HNRNPA1: variants seen among roughly 807,000 people sequenced by gnomAD.
The protein encoded by HNRNPA1 is epididymis secretory sperm binding protein.
Under a neutral mutation model 44.4 loss-of-function variants are expected in HNRNPA1, and 7 were observed. That is an observed-to-expected ratio of 0.16 (90% CI 0.09 to 0.30). HNRNPA1 has a LOEUF of 0.30. Among genes scored for constraint, HNRNPA1 ranks in the 10% least tolerant of loss-of-function variants. The pLI, the probability that HNRNPA1 is intolerant of heterozygous loss-of-function variation, is 1.00. For synonymous variants in HNRNPA1, 169 were observed against 160.6 expected, an observed-to-expected ratio of 1.05 and a Z score of -0.40; for missense variants, 193 against 465.8, an observed-to-expected ratio of 0.41 and a Z score of 5.39.
At position 54,281,953 on chromosome 12, in the gene HNRNPA1, T is replaced by G. The variant is rs1486571333; in HGVS notation, c.279+12T>G. ...CTGTCTCCAGAGAAGTGAGTGGGTTTTTTTTCTTCTTCTTCTTAAACTTAC... is the reference window on the plus strand; with the variant it reads ...CTGTCTCCAGAGAAGTGAGTGGGTTGTTTTTCTTCTTCTTCTTAAACTTAC... On this transcript the variant is annotated intron_variant, in intron 3 of 10. Coordinates refer to ENST00000340913, the MANE Select transcript of HNRNPA1 (RefSeq NM_031157.4). 3 of 1,612,250 alleles carry G rather than the reference T, an allele frequency of 1.9e-6. No homozygotes were observed. The highest frequency in any genetic ancestry group is 1.3e-5 in the African/African-American group (1 of 74,854).
At chr12:54,281,735 T>TA (rs150656593) in intron 2 of HNRNPA1, 60 bp from the exon 3 acceptor site, 238 of 1,546,680 alleles carry the variant, frequency 1.5e-4, no homozygotes, top group Non-Finnish European at 2.1e-4. Context: ...TATTCAAAGT[T>TA]AAAATGACAA....
chr12:54,283,043 ACTTTTGT>A, intron 7 of HNRNPA1, 29 bp from the exon 8 acceptor site: 1 of 1,606,096 alleles, frequency 6.2e-7, no homozygotes, highest in Non-Finnish European at 8.5e-7. Flanking sequence ...ATTGTCAAAT[ACTTTTGT>A]CTTATTGAGA....
chr12:54,282,067 AC>A, intron 3 of HNRNPA1, 22 bp from the exon 4 acceptor site: 1 of 1,607,364 alleles, frequency 6.2e-7, no homozygotes, highest in Non-Finnish European at 8.5e-7. Flanking sequence ...GCTAATCTAA[AC>A]CTATGGTTTT....
Position 54,282,697 on chromosome 12 carries a change from C to T in HNRNPA1, c.676+32C>T, listed in dbSNP as rs1462829741. On this transcript the variant is annotated intron_variant, in intron 6 of 10. Coordinates refer to ENST00000340913, the MANE Select transcript of HNRNPA1 (RefSeq NM_031157.4). ...ATGGTTTATCTACATGTAGTTCTGA[C>T]TTCTCACCATCTTTGCTATGAAGAT... is the stretch of plus-strand genomic sequence containing the variant. 9 of 1,597,316 alleles carry T rather than the reference C, an allele frequency of 5.6e-6. No individual in the cohort carries two copies. In the East Asian group the frequency reaches 6.7e-5, roughly 12 times the overall value.
intron 3 of HNRNPA1, 37 bp from the exon 4 acceptor site, chr12:54,282,053 C>G (rs749883129): frequency 6.2e-7 from 1 of 1,600,476 alleles, no homozygotes; most frequent in Non-Finnish European, 8.6e-7. Flanking sequence ...CGAGTATAGG[C>G]TTTGCTAATC....
chr12:54,282,375 A>G lies in HNRNPA1; in HGVS notation c.491-19A>G, dbSNP rs1187394468. 4 of 1,609,646 alleles carry G rather than the reference A, an allele frequency of 2.5e-6. No homozygotes were observed. The highest frequency in any genetic ancestry group is 3.4e-6 in the Non-Finnish European group (4 of 1,176,204). On this transcript the variant is annotated intron_variant, in intron 4 of 10. Coordinates refer to ENST00000340913, the MANE Select transcript of HNRNPA1 (RefSeq NM_031157.4). ...ATTCTAAACCCTGATACCATGTTGT[A>G]TCTATGTTTTTTTTTTAGTTCAGAA...
At chr12:54,283,337 T>A in intron 8 of HNRNPA1, 103 bp downstream of exon 8, 1 of 1,322,330 alleles carries the variant, frequency 7.6e-7, no homozygotes, top group Non-Finnish European at 1.1e-6. Flanking sequence ...CTGCATGGTA[T>A]ATTAAAAACA....
At chr12:54,283,334 G>A (rs1944209412) in intron 8 of HNRNPA1, 100 bp downstream of exon 8, 2 of 1,349,782 alleles carry the variant, frequency 1.5e-6, no homozygotes, top group African/African-American at 1.5e-5. Flanking sequence ...ACACTGCATG[G>A]TATATTAAAA....
At chr12:54,284,212 T>TA (rs757848741) in intron 9 of HNRNPA1, 46 bp from the exon 10 acceptor site, 3 of 1,581,892 alleles carry the variant, frequency 1.9e-6, no homozygotes, top group Non-Finnish European at 2.6e-6. Context: ...ATGAAAACAT[T>TA]ACTGTTGGCA....
At chr12:54,284,041 C>A in intron 9 of HNRNPA1, 74 bp downstream of exon 9, 1 of 1,515,382 alleles carries the variant, frequency 6.6e-7, no homozygotes. Context: ...AGCCCTTTAA[C>A]TGCTATGTCT....
At position 54,286,800 on chromosome 12, in the gene HNRNPA1, C is replaced by T. The variant is rs573312088; in HGVS notation, c.*2256C>T. 2.6e-5 allele frequency: 4 copies of T among 152,320 alleles called. No individual in the cohort carries two copies. In the East Asian group the frequency reaches 5.8e-4, roughly 22 times the overall value. 9.4% of individuals were successfully genotyped at this position (152,320 alleles called of 1,614,324 possible). Reference sequence around the variant, plus strand: ...GTTCCCAAAGTAAAAGAATGACAAGCTGTACCTTAAACCAAAACACTTCGT... The same window carrying T: ...GTTCCCAAAGTAAAAGAATGACAAGTTGTACCTTAAACCAAAACACTTCGT... On this transcript the variant is annotated 3_prime_UTR_variant, in exon 11 of 11. Coordinates refer to ENST00000340913, the MANE Select transcript of HNRNPA1 (RefSeq NM_031157.4).
chr12:54,284,160 T>A (rs1242478192), intron 9 of HNRNPA1, 98 bp from the exon 10 acceptor site: 25 of 1,375,212 alleles, frequency 1.8e-5, no homozygotes, highest in Non-Finnish European at 2.4e-5. Flanking sequence ...GGGCCATTTT[T>A]AAATGGCCAG....
Position 54,283,132 on chromosome 12 carries a change from A to G in HNRNPA1, c.805A>G (p.Ser269Gly). The change falls in exon 8 of 11, where the codon AGT (serine) becomes GGT (glycine). Residue 269 changes from serine (S) to glycine (G), a missense_variant. Around this residue, in one of 2 missense-constraint regions of HNRNPA1, gnomAD observed 136 missense variants for 234.4 expected, o/e 0.58. Coordinates refer to ENST00000340913, the MANE Select transcript of HNRNPA1 (RefSeq NM_031157.4). ...CTCTGGAGGAAGCAGAGGCTATGGA[A>G]GTGGTGGACAGGGTTATGGAAACCA... Reference protein sequence around the residue: ...GYSGGSRGYGSGGQGYGNQGS... With the variant: ...GYSGGSRGYGGGGQGYGNQGS... The G allele has an allele frequency of 4.3e-6, 7 of 1,613,616 alleles. No individual in the cohort carries two copies. Among genetic ancestry groups the G allele is most frequent in the Non-Finnish European group, 5.9e-6 (7 of 1,179,758 alleles).
At chr12:54,284,402 C>T (rs532880784) in intron 10 of HNRNPA1, 85 bp downstream of exon 10, 409 of 1,138,288 alleles carry the variant, frequency 3.6e-4, no homozygotes, top group Non-Finnish European at 4.9e-4. Context: ...AGCAGTGCAA[C>T]ATAGTTAACA....
In HNRNPA1 at chr12:54,286,260, G is replaced by A. The variant is rs1244239019; in HGVS notation, c.*1716G>A. 6.6e-6 allele frequency: 1 copy of A among 152,138 alleles called. No homozygotes were observed. The highest frequency in any genetic ancestry group is 1.5e-5 in the Non-Finnish European group (1 of 68,028). 9.4% of individuals were successfully genotyped at this position (152,138 alleles called of 1,614,324 possible). ...TTAGGACTAGCAGTCAGAACCAGGAGGAAAGGTTTTATTGCTATGCGGGTA... is the reference window on the plus strand; with the variant it reads ...TTAGGACTAGCAGTCAGAACCAGGAAGAAAGGTTTTATTGCTATGCGGGTA... On this transcript the variant is annotated 3_prime_UTR_variant, in exon 11 of 11. Coordinates refer to ENST00000340913, the MANE Select transcript of HNRNPA1 (RefSeq NM_031157.4).
intron 1 of HNRNPA1, 37 bp downstream of exon 1, chr12:54,280,859 T>A (rs771774980): frequency 1.2e-6 from 2 of 1,611,894 alleles, no homozygotes; most frequent in Non-Finnish European, 1.7e-6. Context: ...AATTTTTTCC[T>A]CTCCCTTTCC....
At position 54,281,774 on chromosome 12, in the gene HNRNPA1, ATAAAT is replaced by A. The variant is rs745877370; in HGVS notation, c.133-17_133-13del. ...CTTTTGCGGTCAGACTTTGTGTTAC[ATAAAT>A]TAACACTGTTCTCAGGTAATGAGAG... is the stretch of plus-strand genomic sequence containing the variant. On this transcript the variant is annotated splice_polypyrimidine_tract_variant and intron_variant, in intron 2 of 10. Coordinates refer to ENST00000340913, the MANE Select transcript of HNRNPA1 (RefSeq NM_031157.4). 1.2e-6 allele frequency: 2 copies of A among 1,601,240 alleles called. No individual in the cohort carries two copies. The highest frequency in any genetic ancestry group is 2.7e-5 in the African/African-American group (2 of 74,178).
chr12:54,282,866 G>A lies in HNRNPA1; in HGVS notation c.743G>A (p.Gly248Asp). Residue 248 changes from glycine (G) to aspartate (D), a missense_variant, in exon 7 of 11, where the codon GGT becomes GAT. Gly to Asp is a moderately conservative substitution (Grantham distance 94). Coordinates refer to ENST00000340913, the MANE Select transcript of HNRNPA1 (RefSeq NM_031157.4). The part of the protein sequence containing the change: ...GGSGDGYNGF[G>D]NDGGYGGGGP... ...AGTGGGGATGGCTATAATGGATTTG[G>A]TAATGATGGTAAGTTTTTTAGGAAT... 3 of 1,550,480 alleles carry A rather than the reference G, an allele frequency of 1.9e-6. No individual in the cohort carries two copies. The highest frequency in any genetic ancestry group is 1.2e-5 in the South Asian group (1 of 83,946).
chr12:54,286,908 C>T lies in HNRNPA1; in HGVS notation c.*2364C>T, dbSNP rs1204075277. 6.6e-6 allele frequency: 1 copy of T among 152,198 alleles called. No individual in the cohort carries two copies. The highest frequency in any genetic ancestry group is 2.4e-5 in the African/African-American group (1 of 41,438). The allele number at this position is 152,198 out of a possible 1,614,324, so 9.4% of individuals were successfully genotyped here. On this transcript the variant is annotated 3_prime_UTR_variant, in exon 11 of 11. Coordinates refer to ENST00000340913, the MANE Select transcript of HNRNPA1 (RefSeq NM_031157.4). ...GTGGATATAACTGTGTAGTCATTCA[C>T]CTCTGCTTATATGAATACTTTACAA...
Sources: gnomAD v4.1 joint callset for allele counts on GRCh38, gnomAD v4.1.1 for gene constraint, gnomAD v4.1.1 regional missense constraint, MANE v1.5 for transcripts, NCBI Gene and HGNC (gene_info 2026-07-23, HGNC 2026-07-21) for gene names.